The following COA1 variants were observed in gnomAD, a reference collection of about 807,000 sequenced individuals.
COA1 encodes cytochrome c oxidase assembly factor 1 homolog.
A neutral mutation model predicts 16.0 loss-of-function variants in COA1; 13 were observed. The observed-to-expected ratio is 0.81, with a 90% confidence interval of 0.53 to 1.29. The LOEUF (loss-of-function observed/expected upper bound fraction) is 1.29. Among genes scored for constraint, COA1 ranks in the 50% most tolerant of loss-of-function variants. COA1 has a pLI of 0.00. For synonymous variants in COA1, 65 were observed against 65.7 expected (o/e 0.99, Z 0.05); for missense variants, 179 against 177.0 (o/e 1.01, Z -0.06).
intron 1 of COA1, among the ~76,000 whole-genome samples, chr7:43,665,309 C>T (rs1014473466): frequency 6.6e-6 from 1 of 152,148 alleles, no homozygotes. Context: ...CAGTATTTAA[C>T]GAGCAGTATA....
chr7:43,691,252 A>AAAG lies in COA1; in HGVS notation c.-39+38176_-39+38177insCTT, dbSNP rs1563380465. On this transcript the variant is annotated intron_variant, in intron 1 of 5. Coordinates refer to ENST00000223336, the MANE Select transcript of COA1 (RefSeq NM_018224.4). The stretch of plus-strand genomic sequence containing the variant: ...TGACAAAGCAAGACCTTGACTCAAA[A>AAAG]AAAGAAAGAAAGAAAAGAAAGAAAG... Among the ~76,000 whole-genome samples the AAAG allele has an allele frequency of 7.7e-3, 504 of 65,322 alleles. 46 individuals are homozygous for AAAG. Among genetic ancestry groups the AAAG allele is most frequent in the African/African-American group, 0.042 (457 of 11,008 alleles). The allele number at this position is 65,322 out of a possible 152,430, so 42.9% of individuals were successfully genotyped here. A position where few individuals can be genotyped will look rare whatever the true frequency, so the allele number is the denominator to read the frequency against.
chr7:43,654,803 C>A (rs2091453117), intron 1 of COA1, among the ~76,000 whole-genome samples: 1 of 152,186 alleles, frequency 6.6e-6, no homozygotes, highest in Non-Finnish European at 1.5e-5. Flanking sequence ...TTCACCAACA[C>A]CTCCTGGTAA....
At chr7:43,727,734 G>C (rs1220435372) in intron 1 of COA1, among the ~76,000 whole-genome samples, 1 of 152,218 alleles carries the variant, frequency 6.6e-6, no homozygotes, top group Non-Finnish European at 1.5e-5. Flanking sequence ...TGAGCCTGCT[G>C]AATAAGTACA....
At chr7:43,679,973 C>T (rs1360734158) in intron 1 of COA1, among the ~76,000 whole-genome samples, 1 of 151,884 alleles carries the variant, frequency 6.6e-6, no homozygotes, top group Non-Finnish European at 1.5e-5. Context: ...AATATAACTC[C>T]AACTAAGAAC....
chr7:43,646,474 G>A (rs750467773), intron 3 of COA1: 45 of 439,572 alleles, frequency 1.0e-4, no homozygotes, highest in Non-Finnish European at 2.0e-4. Flanking sequence ...GAAAGGTGAC[G>A]GACTCCCCCA....
At chr7:43,623,893 GTAT>G in intron 6 of COA1, 6 of 1,490,984 alleles carry the variant, frequency 4.0e-6, no homozygotes, top group Non-Finnish European at 5.3e-6. Flanking sequence ...ACCTGAGTAA[GTAT>G]TATTTTTATT....
downstream of COA1, among the ~76,000 whole-genome samples, chr7:43,636,036 G>A (rs551638189): frequency 6.6e-6 from 1 of 152,130 alleles, no homozygotes; most frequent in Non-Finnish European, 1.5e-5. Flanking sequence ...TTTCCTCTAA[G>A]GGAAAAAAAA....
chr7:43,707,307 TGGA>T, intron 1 of COA1, among the ~76,000 whole-genome samples: 1 of 152,212 alleles, frequency 6.6e-6, no homozygotes, highest in Non-Finnish European at 1.5e-5. Context: ...ACAAATTAGA[TGGA>T]GGAGGAGGAA....
chr7:43,729,225 G>A (rs1039807602), intron 1 of COA1, among the ~76,000 whole-genome samples: 100 of 152,342 alleles, frequency 6.6e-4, no homozygotes, highest in African/African-American at 2.3e-3. Context: ...CCGAGCGGAC[G>A]GAGCCACTGA....
At chr7:43,668,723 G>T (rs2093048988) in intron 1 of COA1, among the ~76,000 whole-genome samples, 3 of 152,174 alleles carry the variant, frequency 2.0e-5, no homozygotes. Flanking sequence ...TGCAAATTCT[G>T]CCAGGTAATG....
rs142644587 is a variant in COA1 at position 43,700,529 on chromosome 7, G to GATATAT, written c.-39+28894_-39+28899dup. ...ATCAGCTTTTATAAAAATGTAGGCAGATATATATATATATATATACATACA... is the reference window on the plus strand; with the variant it reads ...ATCAGCTTTTATAAAAATGTAGGCAGATATATATATATATATATATATATACATACA... On this transcript the variant is annotated intron_variant, in intron 1 of 5. Transcript: ENST00000223336. Among the ~76,000 whole-genome samples the GATATAT allele has an allele frequency of 4.3e-3, 607 of 142,688 alleles. 4 individuals carry two copies. The highest frequency in any genetic ancestry group is 0.015 in the African/African-American group (575 of 38,608). 93.6% of individuals were successfully genotyped at this position (142,688 alleles called of 152,430 possible).
chr7:43,627,847 C>G (rs1242639888), intron 6 of COA1, among the ~76,000 whole-genome samples: 1 of 152,214 alleles, frequency 6.6e-6, no homozygotes, highest in Non-Finnish European at 1.5e-5. Context: ...TTCTGTTGCA[C>G]TGGTTTTCCT....
At chr7:43,648,825 CT>C in intron 1 of COA1, 173 bp from the exon 2 acceptor site, 1 of 552,612 alleles carries the variant, frequency 1.8e-6, no homozygotes, top group East Asian at 2.9e-5. Context: ...CCCCCTTCTG[CT>C]GCCAAATTAG....
At chr7:43,688,246 T>C (rs1228701661) in intron 1 of COA1, among the ~76,000 whole-genome samples, 2 of 152,188 alleles carry the variant, frequency 1.3e-5, no homozygotes, top group East Asian at 3.8e-4. Flanking sequence ...AGCTCCACTA[T>C]GACATAAGAC....
At chr7:43,714,692 C>G (rs952122648) in intron 1 of COA1, among the ~76,000 whole-genome samples, 6 of 150,314 alleles carry the variant, frequency 4.0e-5, no homozygotes, top group Non-Finnish European at 8.9e-5. Flanking sequence ...GACACAGACA[C>G]GGGATACTAG....
At chr7:43,714,918 G>T (rs1445538662) in intron 1 of COA1, among the ~76,000 whole-genome samples, 1 of 141,654 alleles carries the variant, frequency 7.1e-6, no homozygotes, top group Non-Finnish European at 1.5e-5. Flanking sequence ...TGAGGCACAA[G>T]ATCACTTGAG....
chr7:43,675,988 C>T (rs2093498317), intron 1 of COA1, among the ~76,000 whole-genome samples: 1 of 152,094 alleles, frequency 6.6e-6, no homozygotes, highest in Admixed American at 6.6e-5. Flanking sequence ...AAATTACTAC[C>T]CATCGGTGAT....
At chr7:43,614,939 T>C (rs1026759895) in intron 6 of COA1, among the ~76,000 whole-genome samples, 4 of 152,212 alleles carry the variant, frequency 2.6e-5, no homozygotes, top group Admixed American at 6.5e-5. Flanking sequence ...ATTTAAACTA[T>C]TTTAAGGGAA....
At chr7:43,709,433 ATTGTGT>A (rs1186811129) in intron 1 of COA1, among the ~76,000 whole-genome samples, 106 of 85,342 alleles carry the variant, frequency 1.2e-3, no homozygotes, top group African/African-American at 4.3e-3. Flanking sequence ...ACTTTGTTTT[ATTGTGT>A]GTGTGTGTGT....
Sources: gnomAD v4.1 joint callset for allele counts (sites outside exome capture counted in the v4.1 genomes callset) on GRCh38, gnomAD v4.1.1 for gene constraint, MANE v1.5 for transcripts, NCBI Gene and HGNC (gene_info 2026-07-23, HGNC 2026-07-21) for gene names.